ATAD1: variants seen among roughly 807,000 people sequenced by gnomAD.
ATAD1 encodes outer mitochondrial transmembrane helix translocase.
A neutral mutation model predicts 42.7 loss-of-function variants in ATAD1; 18 were observed. The ratio of observed to expected loss-of-function variants is 0.42; its 90% CI spans 0.29 to 0.63. The LOEUF (loss-of-function observed/expected upper bound fraction) is 0.63. Among genes scored for constraint, ATAD1 ranks in the 20% least tolerant of loss-of-function variants. The pLI, the probability that ATAD1 is intolerant of heterozygous loss-of-function variation, is 0.19. For synonymous variants in ATAD1, 132 were observed against 143.1 expected (o/e 0.92, Z 0.55); for missense variants, 294 against 440.4 (o/e 0.67, Z 2.98).
intron 2 of ATAD1, among the ~76,000 whole-genome samples, chr10:87,807,194 TA>T (rs1856965613): frequency 6.6e-6 from 1 of 152,196 alleles, no homozygotes; most frequent in African/African-American, 2.4e-5. Flanking sequence ...TTTCCTCTCC[TA>T]TATGTGCATA....
At chr10:87,769,130 G>A (rs56198886) in intron 7 of ATAD1, among the ~76,000 whole-genome samples, 2,413 of 152,244 alleles carry the variant, frequency 0.016, 63 homozygotes, top group African/African-American at 0.054. Flanking sequence ...TATTGGATTA[G>A]TGATAGAGAT....
chr10:87,806,965 CCTTTT>C (rs770524557), intron 2 of ATAD1, among the ~76,000 whole-genome samples: 2 of 152,110 alleles, frequency 1.3e-5, no homozygotes, highest in African/African-American at 2.4e-5. Context: ...CCTAGAGACT[CCTTTT>C]CTTTTGTCTG....
intron 1 of ATAD1, 47 bp downstream of exon 1, chr10:87,818,120 G>T (rs925590064): frequency 7.1e-6 from 7 of 985,462 alleles, no homozygotes; most frequent in African/African-American, 5.2e-5. Context: ...GACCTCAGAA[G>T]GATACGACAA....
intron 4 of ATAD1, among the ~76,000 whole-genome samples, chr10:87,786,954 C>CAA (rs762275082): frequency 7.8e-6 from 1 of 128,276 alleles, no homozygotes. Context: ...GACTCCGTCT[C>CAA]AAAAAAAAAA....
At position 87,818,170 on chromosome 10, in the gene ATAD1, G is replaced by T. The variant is rs890330861; in HGVS notation, c.-17C>A. ...CCCACGGGAACCAGCTACTCACCCA[G>T]GGGCAGAAACAGCAAGAGCAAGTGC... On this transcript the variant is annotated 5_prime_UTR_variant, in exon 1 of 10. The change creates a new upstream start codon in the 5' untranslated region. Coordinates refer to ENST00000680024, the MANE Select transcript of ATAD1 (RefSeq NM_001321967.2). The T allele has an allele frequency of 8.1e-6, 8 of 985,686 alleles. No individual in the cohort carries two copies. Among genetic ancestry groups the T allele is most frequent in the Non-Finnish European group, 9.6e-6 (8 of 830,104 alleles). The allele number at this position is 985,686 out of a possible 1,614,324, so 61.1% of individuals were successfully genotyped here.
intron 1 of ATAD1, chr10:87,841,086 G>T (rs929168463): frequency 2.0e-5 from 3 of 151,852 alleles, no homozygotes; most frequent in African/African-American, 7.3e-5. Context: ...TTCAGTGGAA[G>T]CAGGACTGCT....
Position 87,806,024 on chromosome 10 carries a change from C to G in ATAD1, c.162+8414G>C, listed in dbSNP as rs76259690. On this transcript the variant is annotated intron_variant, in intron 2 of 9. Transcript: ENST00000680024. ...GACTTTATGCAAGTGATTCCCCAGA[C>G]AGTGGGAAAGAAGTGAGAAGAGGGA... Among the ~76,000 whole-genome samples, 28 of 152,196 alleles carry G rather than the reference C, an allele frequency of 1.8e-4. No individual in the cohort carries two copies. In the East Asian group the frequency reaches 4.8e-3, roughly 26 times the overall value.
chr10:87,794,838 GT>G (rs143303994), intron 2 of ATAD1, among the ~76,000 whole-genome samples: 2,847 of 152,168 alleles, frequency 0.019, 80 homozygotes, highest in African/African-American at 0.064. Flanking sequence ...AATGAATAAT[GT>G]TTAGTTTACA....
At chr10:87,768,452 A>C (rs541656008) in intron 7 of ATAD1, among the ~76,000 whole-genome samples, 1 of 152,362 alleles carries the variant, frequency 6.6e-6, no homozygotes, top group East Asian at 1.9e-4. Context: ...TCTGTAATTT[A>C]AGTGTGTCAA....
At chr10:87,835,925 T>A (rs1857921481) in intron 1 of ATAD1, among the ~76,000 whole-genome samples, 1 of 152,202 alleles carries the variant, frequency 6.6e-6, no homozygotes, top group Non-Finnish European at 1.5e-5. Flanking sequence ...AATGTTATAA[T>A]CATTTAGATC....
chr10:87,818,062 G>C, intron 1 of ATAD1, 105 bp downstream of exon 1: 1 of 985,714 alleles, frequency 1.0e-6, no homozygotes. Context: ...GAGAAGACCG[G>C]GGTGACCTTT....
chr10:87,827,962 T>C (rs1589575053), intron 1 of ATAD1, among the ~76,000 whole-genome samples: 2 of 152,006 alleles, frequency 1.3e-5, no homozygotes, highest in Non-Finnish European at 2.9e-5. Flanking sequence ...TGGTTGTTCG[T>C]TTATTGGTTT....
At chr10:87,823,411 A>G (rs1376418212) in intron 1 of ATAD1, among the ~76,000 whole-genome samples, 1 of 152,164 alleles carries the variant, frequency 6.6e-6, no homozygotes, top group Non-Finnish European at 1.5e-5. Flanking sequence ...ATCTGTGAAA[A>G]ATCAGGATTG....
intron 5 of ATAD1, among the ~76,000 whole-genome samples, chr10:87,777,724 C>T (rs886477902): frequency 2.0e-5 from 3 of 152,080 alleles, no homozygotes; most frequent in Non-Finnish European, 4.4e-5. Flanking sequence ...ATTGAAACTA[C>T]AACACAAACT....
At chr10:87,809,760 G>A (rs11202567) in intron 2 of ATAD1, among the ~76,000 whole-genome samples, 3,100 of 151,830 alleles carry the variant, frequency 0.02, 99 homozygotes, top group African/African-American at 0.069. Context: ...GGATTCAAGC[G>A]ATTCTCCTCC....
rs1249668026 is a variant in ATAD1, at chr10:87,754,231, G to GT, written c.*455dup. ...GGATTCAGTAGTTGGGGTAAAAAAA[G>GT]TTTCTATATTCAAACATATCTACAG... On this transcript the variant is annotated 3_prime_UTR_variant, in exon 10 of 10. Coordinates refer to ENST00000680024, the MANE Select transcript of ATAD1 (RefSeq NM_001321967.2). 1 of 152,542 alleles carries GT rather than the reference G, an allele frequency of 6.6e-6. No homozygotes were observed. The highest frequency in any genetic ancestry group is 2.4e-5 in the African/African-American group (1 of 41,398). The allele number at this position is 152,542 out of a possible 1,614,324, so 9.4% of individuals were successfully genotyped here. A position where few individuals can be genotyped will look rare whatever the true frequency, so the allele number is the denominator to read the frequency against.
chr10:87,792,428 G>A (rs1856168502), intron 3 of ATAD1, among the ~76,000 whole-genome samples: 1 of 152,142 alleles, frequency 6.6e-6, no homozygotes. Flanking sequence ...TTGGAATCTT[G>A]CGCCTGGCTT....
At chr10:87,816,028 G>A (rs1052360423) in intron 1 of ATAD1, among the ~76,000 whole-genome samples, 5 of 152,026 alleles carry the variant, frequency 3.3e-5, no homozygotes, top group Non-Finnish European at 7.4e-5. Flanking sequence ...AACTTTATTT[G>A]CTCCATAAAG....
upstream of ATAD1, among the ~76,000 whole-genome samples, chr10:87,822,422 T>G (rs955061085): frequency 6.6e-6 from 1 of 152,114 alleles, no homozygotes; most frequent in African/African-American, 2.4e-5. Flanking sequence ...AAAGATAATA[T>G]AGAACACAAT....
Sources: allele counts gnomAD v4.1 joint callset (sites outside exome capture counted in the v4.1 genomes callset), GRCh38; gene constraint gnomAD v4.1.1; transcripts MANE v1.5; gene names NCBI Gene and HGNC (gene_info 2026-07-23, HGNC 2026-07-21).